ZFAT: variants seen among roughly 807,000 people sequenced by gnomAD.
ZFAT encodes the protein zinc finger protein ZFAT.
A neutral mutation model predicts 117.7 loss-of-function variants in ZFAT; 64 were observed. The ratio of observed to expected loss-of-function variants is 0.54; its 90% CI spans 0.44 to 0.67. ZFAT has a LOEUF of 0.67. Among genes scored for constraint, ZFAT ranks in the 30% least tolerant of loss-of-function variants. The pLI, the probability that ZFAT is intolerant of heterozygous loss-of-function variation, is 0.00. For synonymous variants in ZFAT, 679 were observed against 615.0 expected (o/e 1.10, Z -1.54); for missense variants, 1,433 against 1,584.5 (o/e 0.90, Z 1.62).
At chr8:134,548,496 G>A (rs1822870949) in intron 11 of ZFAT, among the ~76,000 whole-genome samples, 1 of 152,204 alleles carries the variant, frequency 6.6e-6, no homozygotes, top group Admixed American at 6.5e-5. Flanking sequence ...GTGGCCACCT[G>A]TAGGATTTCA....
chr8:134,686,625 C>T (rs962271910), intron 1 of ZFAT, among the ~76,000 whole-genome samples: 2 of 152,166 alleles, frequency 1.3e-5, no homozygotes, highest in African/African-American at 4.8e-5. Context: ...TTTTGGCCCT[C>T]GTAGCTGTGT....
the ZFAT span, among the ~76,000 whole-genome samples, chr8:134,803,115 A>C: frequency 1.9e-3 from 286 of 152,340 alleles, 1 homozygote; most frequent in African/African-American, 6.6e-3. Flanking sequence ...ATCTAGGGAT[A>C]ACTGGCCTAG....
At chr8:134,743,811 C>G in the ZFAT span, among the ~76,000 whole-genome samples, 1 of 152,206 alleles carries the variant, frequency 6.6e-6, no homozygotes, top group Non-Finnish European at 1.5e-5. Context: ...CACTTATCCA[C>G]CTTTTCCTAC....
chr8:134,738,363 A>C, the ZFAT span, among the ~76,000 whole-genome samples: 1 of 152,180 alleles, frequency 6.6e-6, no homozygotes, highest in South Asian at 2.1e-4. Flanking sequence ...CTGAGCTTCC[A>C]TCTCATTATC....
the ZFAT span, among the ~76,000 whole-genome samples, chr8:134,819,496 A>ACC: frequency 8.9e-4 from 35 of 39,376 alleles, no homozygotes; most frequent in South Asian, 1.5e-3. Flanking sequence ...CGGATTTACC[A>ACC]CCCCCCCCCC....
At chr8:134,818,502 C>G in the ZFAT span, among the ~76,000 whole-genome samples, 1 of 152,160 alleles carries the variant, frequency 6.6e-6, no homozygotes, top group Non-Finnish European at 1.5e-5. Flanking sequence ...TAAAATGGTA[C>G]TGCCACTTTG....
At chr8:134,743,516 A>G in the ZFAT span, among the ~76,000 whole-genome samples, 6 of 152,056 alleles carry the variant, frequency 3.9e-5, no homozygotes, top group Admixed American at 2.6e-4. Flanking sequence ...AAAATAAAAA[A>G]TAAATGAAGG....
intron 11 of ZFAT, among the ~76,000 whole-genome samples, chr8:134,534,051 C>G (rs1821635592): frequency 6.6e-6 from 1 of 152,220 alleles, no homozygotes; most frequent in South Asian, 2.1e-4. Context: ...AGCACTCTGC[C>G]TGGTGCAGGG....
At chr8:134,779,229 A>G in the ZFAT span, among the ~76,000 whole-genome samples, 1 of 151,692 alleles carries the variant, frequency 6.6e-6, no homozygotes, top group African/African-American at 2.4e-5. Context: ...CAGGAGGAGG[A>G]GAATGAGTTT....
At chr8:134,749,661 A>C in the ZFAT span, among the ~76,000 whole-genome samples, 1 of 152,204 alleles carries the variant, frequency 6.6e-6, no homozygotes, top group Non-Finnish European at 1.5e-5. Flanking sequence ...TTTTACATAC[A>C]GTATGAGGAA....
intron 11 of ZFAT, among the ~76,000 whole-genome samples, chr8:134,557,696 G>C (rs1823752273): frequency 6.6e-6 from 1 of 152,088 alleles, no homozygotes; most frequent in East Asian, 1.9e-4. Context: ...GGAAAGAGAA[G>C]CAAATAACTT....
At chr8:134,702,819 C>A (rs1360179294) in intron 1 of ZFAT, among the ~76,000 whole-genome samples, 1 of 152,082 alleles carries the variant, frequency 6.6e-6, no homozygotes, top group African/African-American at 2.4e-5. Flanking sequence ...CTACAGGCAC[C>A]CACCACCACG....
At chr8:134,691,257 G>A (rs1833569176) in intron 1 of ZFAT, among the ~76,000 whole-genome samples, 1 of 152,264 alleles carries the variant, frequency 6.6e-6, no homozygotes, top group Non-Finnish European at 1.5e-5. Flanking sequence ...ATAGCCAAGT[G>A]CTGTAAGCAT....
the ZFAT span, among the ~76,000 whole-genome samples, chr8:134,813,684 C>CTGGGATTA: frequency 6.6e-6 from 1 of 152,106 alleles, no homozygotes; most frequent in Non-Finnish European, 1.5e-5. Context: ...TCCCAAAGTG[C>CTGGGATTA]TGGGATTAGA....
chr8:134,638,032 C>T (rs1830333615), intron 2 of ZFAT, among the ~76,000 whole-genome samples: 1 of 152,146 alleles, frequency 6.6e-6, no homozygotes, highest in Non-Finnish European at 1.5e-5. Flanking sequence ...AATCCTGCCC[C>T]TTGTTAAGCA....
chr8:134,792,040 C>CA, the ZFAT span: 8 of 151,940 alleles, frequency 5.3e-5, no homozygotes, highest in African/African-American at 1.7e-4. Flanking sequence ...GTTTATTTAG[C>CA]AAAAAGGTAT....
At chr8:134,553,016 C>A (rs1386545600) in intron 11 of ZFAT, among the ~76,000 whole-genome samples, 1 of 152,158 alleles carries the variant, frequency 6.6e-6, no homozygotes, top group South Asian at 2.1e-4. Context: ...CTGTGCGATG[C>A]AAAAAATGGG....
chr8:134,584,328 T>C (rs565878388), intron 9 of ZFAT, among the ~76,000 whole-genome samples: 2 of 152,304 alleles, frequency 1.3e-5, no homozygotes, highest in South Asian at 4.1e-4. Context: ...TGTAACTCTC[T>C]ACTAGCTGAA....
rs368637556 is a variant in ZFAT at position 134,601,573 on chromosome 8, T to C, written c.2146A>G (p.Met716Val). 1.9e-6 allele frequency: 3 copies of C among 1,614,188 alleles called. No homozygotes were observed. The highest frequency in any genetic ancestry group is 1.7e-5 in the Admixed American group (1 of 60,020). Reference protein sequence around the residue: ...PEHRSGITAFMKVLNSLQKKQ... With the variant: ...PEHRSGITAFVKVLNSLQKKQ... ...TTCTGTAAACTGTTCAGGACCTTCATGAAAGCGGTGATGCCTGACCGGTGC... is the reference window on the plus strand; with the variant it reads ...TTCTGTAAACTGTTCAGGACCTTCACGAAAGCGGTGATGCCTGACCGGTGC... Residue 716 changes from methionine (M) to valine (V), a missense_variant, in exon 6 of 16, where the codon ATG (methionine) becomes GTG (valine). Physicochemically the swap from Met to Val is conservative, Grantham distance 21. This residue lies in a region of ZFAT where 372 missense variants were observed against 355.6 expected (regional missense o/e 1.05). Coordinates refer to ENST00000377838, the MANE Select transcript of ZFAT (RefSeq NM_020863.4).
Sources: gnomAD v4.1 joint callset for allele counts (sites outside exome capture counted in the v4.1 genomes callset) on GRCh38, gnomAD v4.1.1 for gene constraint, gnomAD v4.1.1 regional missense constraint, MANE v1.5 for transcripts, NCBI Gene and HGNC (gene_info 2026-07-23, HGNC 2026-07-21) for gene names.